POLA2: variants seen among roughly 807,000 people sequenced by gnomAD.
POLA2 encodes the protein DNA polymerase alpha 2, accessory subunit.
POLA2 carries 47 observed loss-of-function variants against 82.8 expected under a neutral mutation model. The ratio of observed to expected loss-of-function variants is 0.57; its 90% CI spans 0.45 to 0.72. The LOEUF (loss-of-function observed/expected upper bound fraction) is 0.72. Among genes scored for constraint, POLA2 ranks in the 30% least tolerant of loss-of-function variants. POLA2 has a pLI of 0.00. For missense variants in POLA2, 634 were observed against 728.1 expected, an observed-to-expected ratio of 0.87 and a Z score of 1.49; for synonymous variants, 287 against 286.8, an observed-to-expected ratio of 1.00 and a Z score of -0.01.
Position 65,266,615 on chromosome 11 carries a change from AG to A in POLA2, c.115del (p.Glu39ArgfsTer4), listed in dbSNP as rs1403284312. The A allele has an allele frequency of 5.6e-6, 9 of 1,613,942 alleles. No individual in the cohort carries two copies. The highest frequency in any genetic ancestry group is 7.6e-6 in the Non-Finnish European group (9 of 1,179,886). On this transcript the variant is annotated frameshift_variant, in exon 2 of 18. Transcript: ENST00000265465. LOFTEE classifies it high-confidence loss of function. Reference protein sequence around the residue: ...VELCVQYGQNEEGMVGELIAF... With the variant: ...VELCVQYGQNXEGMVGELIAF... ...CTTTGTGTTCAGTATGGACAGAATG[AG>A]GAGGGAATGGTAGGCGAGCTTATAG... is the stretch of plus-strand genomic sequence containing the variant.
intron 11 of POLA2, 84 bp downstream of exon 11, chr11:65,287,924 G>A (rs1330098917): frequency 2.3e-6 from 3 of 1,284,972 alleles, no homozygotes; most frequent in Non-Finnish European, 2.2e-6. Flanking sequence ...AAGCATGTCA[G>A]TCCCTCCTCC....
At position 65,267,408 on chromosome 11, in the gene POLA2, A is replaced by G. The variant is rs967761556; in HGVS notation, c.205-69A>G. 3 of 870,684 alleles carry G rather than the reference A, an allele frequency of 3.4e-6. No homozygotes were observed. The Admixed American group carries it at 7.1e-5, about 21-fold the overall frequency. The allele number at this position is 870,684 out of a possible 1,614,324, so 53.9% of individuals were successfully genotyped here. On this transcript the variant is annotated intron_variant, in intron 2 of 17. Coordinates refer to ENST00000265465, the MANE Select transcript of POLA2 (RefSeq NM_002689.4). ...ATTTTGAATACCTTTTATTATCTCA[A>G]GGCTTTTGAAAACACCTCTGCTATT...
intron 8 of POLA2, among the ~76,000 whole-genome samples, chr11:65,304,178 T>C (rs1332245447): frequency 6.6e-6 from 1 of 151,894 alleles, no homozygotes; most frequent in Non-Finnish European, 1.5e-5. Context: ...CGTCCACCCA[T>C]CCATTTACCT....
At chr11:65,292,365 A>T (rs1036992007) in intron 13 of POLA2, among the ~76,000 whole-genome samples, 1 of 152,234 alleles carries the variant, frequency 6.6e-6, no homozygotes, top group African/African-American at 2.4e-5. Context: ...AATGCTGAGC[A>T]TAGTTGGGAT....
At chr11:65,274,422 G>A (rs1265275346) in intron 4 of POLA2, among the ~76,000 whole-genome samples, 1 of 151,690 alleles carries the variant, frequency 6.6e-6, no homozygotes, top group East Asian at 1.9e-4. Flanking sequence ...GCTCATGGGT[G>A]TAATTCCAGC....
intron 9 of POLA2, among the ~76,000 whole-genome samples, chr11:65,282,187 A>T (rs1197779153): frequency 6.6e-6 from 1 of 152,170 alleles, no homozygotes; most frequent in Non-Finnish European, 1.5e-5. Flanking sequence ...CTAGAAGTAC[A>T]CTGATACTTT....
intron 13 of POLA2, among the ~76,000 whole-genome samples, chr11:65,292,990 ATAAAT>A (rs975745640): frequency 1.6e-4 from 25 of 152,332 alleles, no homozygotes; most frequent in African/African-American, 5.5e-4. Flanking sequence ...GCTGGGAAAA[ATAAAT>A]AGTTGGCCCC....
At chr11:65,268,914 A>G (rs1949491754) in intron 4 of POLA2, among the ~76,000 whole-genome samples, 185 bp downstream of exon 4, 1 of 152,210 alleles carries the variant, frequency 6.6e-6, no homozygotes, top group East Asian at 1.9e-4. Flanking sequence ...TTATAAACAT[A>G]TAGTTATCCT....
At chr11:65,263,388 T>A (rs1253781132) in intron 1 of POLA2, among the ~76,000 whole-genome samples, 2 of 151,622 alleles carry the variant, frequency 1.3e-5, no homozygotes, top group Non-Finnish European at 2.9e-5. Flanking sequence ...CCCGACTAAT[T>A]TTTTTTTGTA....
chr11:65,282,532 G>A lies in POLA2; in HGVS notation c.1006+11G>A. 1 of 1,610,612 alleles carries A rather than the reference G, an allele frequency of 6.2e-7. No individual in the cohort carries two copies. The highest frequency in any genetic ancestry group is 8.5e-7 in the Non-Finnish European group (1 of 1,176,844). ...CTGAAGAGGATGCAGGTGAGTTTCG[G>A]TTCAAATATTGTTTTGCCAACAATG... On this transcript the variant is annotated intron_variant, in intron 10 of 17. Transcript: ENST00000265465.
intron 4 of POLA2, among the ~76,000 whole-genome samples, chr11:65,273,046 G>A (rs1051884890): frequency 2.7e-5 from 4 of 150,410 alleles, no homozygotes; most frequent in Non-Finnish European, 4.4e-5. Flanking sequence ...CTAGCCAGGC[G>A]CAGTGGCTTA....
rs760997859 is a variant in POLA2 at position 65,287,782 on chromosome 11, A to T, written c.1073A>T (p.Asp358Val). 2.5e-6 allele frequency: 4 copies of T among 1,612,992 alleles called. No individual in the cohort carries two copies. Among genetic ancestry groups the T allele is most frequent in the Non-Finnish European group, 3.4e-6 (4 of 1,179,764 alleles). The part of the protein sequence containing the change: ...PYTTSDSITY[D>V]PLLDLIAVIN... ...ACCACATCTGACAGCATCACGTATG[A>T]CCCCCTGCTTGACCTGATTGCTGTC... The change falls in exon 11 of 18, where the codon GAC (aspartate) becomes GTC (valine). Residue 358 changes from aspartate to valine, a missense_variant. Transcript: ENST00000265465.
intron 4 of POLA2, 65 bp from the exon 5 acceptor site, chr11:65,275,827 A>G: frequency 4.5e-6 from 4 of 893,006 alleles, no homozygotes; most frequent in Non-Finnish European, 7.3e-6. Context: ...CTTCCAAGGT[A>G]CTATACACTT....
chr11:65,273,702 C>G (rs1201144974), intron 4 of POLA2, among the ~76,000 whole-genome samples: 4 of 151,886 alleles, frequency 2.6e-5, no homozygotes, highest in Non-Finnish European at 4.4e-5. Context: ...CTATGTTGCT[C>G]AGGCTGGTCT....
chr11:65,286,480 C>G lies in POLA2; in HGVS notation c.1007-1236C>G, dbSNP rs556995773. Among the ~76,000 whole-genome samples, 4 of 152,088 alleles carry G rather than the reference C, an allele frequency of 2.6e-5. No individual in the cohort carries two copies. In the East Asian group the frequency reaches 7.7e-4, roughly 29 times the overall value. On this transcript the variant is annotated intron_variant, in intron 10 of 17. Coordinates refer to ENST00000265465, the MANE Select transcript of POLA2 (RefSeq NM_002689.4). ...CACAGCTCACTGCAGCCTCAACCTC[C>G]CAGGCTCAAGCAATCCTCCCACTTC...
At chr11:65,290,695 T>A (rs1276575243) in intron 13 of POLA2, among the ~76,000 whole-genome samples, 1 of 152,250 alleles carries the variant, frequency 6.6e-6, no homozygotes, top group Non-Finnish European at 1.5e-5. Flanking sequence ...CTTTGGTTGC[T>A]CTTTCTCTTC....
At chr11:65,289,520 C>G (rs1022996747) in intron 12 of POLA2, among the ~76,000 whole-genome samples, 6 of 152,242 alleles carry the variant, frequency 3.9e-5, no homozygotes, top group Non-Finnish European at 5.9e-5. Context: ...ACCTCCAATC[C>G]TTCGTCTCAC....
chr11:65,278,429 G>A (rs1346000414), intron 5 of POLA2, among the ~76,000 whole-genome samples: 1 of 152,140 alleles, frequency 6.6e-6, no homozygotes, highest in Non-Finnish European at 1.5e-5. Flanking sequence ...TTCAGAATCT[G>A]GGGATCTTTT....
chr11:65,277,284 C>T (rs1158153638), intron 5 of POLA2, among the ~76,000 whole-genome samples: 1 of 151,452 alleles, frequency 6.6e-6, no homozygotes, highest in East Asian at 1.9e-4. Context: ...CTCAGGTGAT[C>T]CTCCTACCTC....
Sources: allele counts gnomAD v4.1 joint callset (sites outside exome capture counted in the v4.1 genomes callset), GRCh38; gene constraint gnomAD v4.1.1; transcripts MANE v1.5; gene names NCBI Gene and HGNC (gene_info 2026-07-23, HGNC 2026-07-21).